Variants in SORCS1 observed in about 807,000 individuals in gnomAD.
SORCS1 encodes the protein sortilin related VPS10 domain containing receptor 1, also known as VPS10 domain-containing receptor SorCS1.
SORCS1 carries 60 observed loss-of-function variants against 146.1 expected under a neutral mutation model. The ratio of observed to expected loss-of-function variants is 0.41; its 90% confidence interval spans 0.33 to 0.51. The LOEUF (loss-of-function observed/expected upper bound fraction) is 0.51. Ranked by LOEUF, SORCS1 falls within the 20% of genes least tolerant of loss-of-function variation. The pLI is 0.21. For missense variants in SORCS1, 1,352 were observed against 1,487.6 expected, an observed-to-expected ratio of 0.91 and a Z score of 1.50; for synonymous variants, 637 against 584.0, an observed-to-expected ratio of 1.09 and a Z score of -1.31.
At chr10:106,902,598 A>G (rs1013001184) in intron 2 of SORCS1, among the ~76,000 whole-genome samples, 8 of 152,210 alleles carry the variant, frequency 5.3e-5, no homozygotes, top group Non-Finnish European at 1.2e-4. Context: ...ATAAAAGAAA[A>G]TCACATGAAG....
At chr10:106,739,963 A>G (rs957425176) in intron 5 of SORCS1, among the ~76,000 whole-genome samples, 2 of 151,890 alleles carry the variant, frequency 1.3e-5, no homozygotes, top group African/African-American at 4.8e-5. Context: ...AAAAAAAAAA[A>G]AAAAGAAAAT....
At chr10:107,076,784 T>C (rs1962921524) in intron 1 of SORCS1, among the ~76,000 whole-genome samples, 1 of 152,142 alleles carries the variant, frequency 6.6e-6, no homozygotes, top group Admixed American at 6.5e-5. Context: ...TTTACTTTTC[T>C]GAGGTTCTGA....
chr10:107,153,482 C>G (rs911406145), intron 1 of SORCS1, among the ~76,000 whole-genome samples: 4 of 152,150 alleles, frequency 2.6e-5, no homozygotes, highest in Admixed American at 2.0e-4. Context: ...ACTGGAATTT[C>G]TGGGATATAT....
At chr10:106,781,607 TA>T (rs765795755) in intron 3 of SORCS1, among the ~76,000 whole-genome samples, 12 of 152,200 alleles carry the variant, frequency 7.9e-5, no homozygotes, top group Non-Finnish European at 1.8e-4. Flanking sequence ...ATAAACAGAA[TA>T]AAAGTCTATT....
rs1157238577 is a variant in SORCS1, at chr10:107,164,626, C to T, written c.-100G>A. The stretch of plus-strand genomic sequence containing the variant: ...GGGGGGCCGGCGCTCAGGACCCCAA[C>T]TCCATCCAAGTTGCGCCGCGGTGGG... On this transcript the variant is annotated 5_prime_UTR_variant, in exon 1 of 26. Coordinates refer to ENST00000263054, the MANE Select transcript of SORCS1 (RefSeq NM_052918.5). This position sits in a 1 kb window ranked among gnomAD's most constrained non-coding sequence, Gnocchi z 6.8. The T allele has an allele frequency of 2.9e-6, 3 of 1,022,028 alleles. No individual in the cohort carries two copies. The East Asian group carries it at 9.9e-5, about 34-fold the overall frequency. The allele number at this position is 1,022,028 out of a possible 1,614,324, so 63.3% of individuals were successfully genotyped here.
At chr10:107,014,463 A>G (rs966849192) in intron 1 of SORCS1, among the ~76,000 whole-genome samples, 8 of 152,106 alleles carry the variant, frequency 5.3e-5, no homozygotes, top group Non-Finnish European at 1.0e-4. Flanking sequence ...AAAGTTTGCA[A>G]AGTTTTCTAT....
At chr10:106,737,273 CAAG>C (rs1240593725) in intron 5 of SORCS1, among the ~76,000 whole-genome samples, 7 of 152,138 alleles carry the variant, frequency 4.6e-5, no homozygotes, top group African/African-American at 1.4e-4. Context: ...CTAAACCAGC[CAAG>C]AAGAAGCTTT....
intron 1 of SORCS1, among the ~76,000 whole-genome samples, chr10:107,058,103 G>A (rs1960823444): frequency 6.6e-6 from 1 of 152,222 alleles, no homozygotes; most frequent in South Asian, 2.1e-4. Flanking sequence ...GTGCAGTGGT[G>A]CGATCTTGGC....
At chr10:106,821,347 T>TTATA (rs1244371328) in intron 3 of SORCS1, among the ~76,000 whole-genome samples, 2 of 152,218 alleles carry the variant, frequency 1.3e-5, no homozygotes, top group African/African-American at 4.8e-5. Flanking sequence ...TAGAAGAGAT[T>TTATA]TATAGGTGGA....
chr10:106,875,396 C>T (rs1034807455), intron 2 of SORCS1, among the ~76,000 whole-genome samples: 3 of 152,270 alleles, frequency 2.0e-5, no homozygotes, highest in Non-Finnish European at 2.9e-5. Flanking sequence ...CATGTCTTTG[C>T]AATTGTGAAT....
intron 3 of SORCS1, among the ~76,000 whole-genome samples, chr10:106,808,144 C>T (rs1947280037): frequency 2.0e-5 from 3 of 152,182 alleles, no homozygotes; most frequent in South Asian, 2.1e-4. Context: ...CTCGGCCTCC[C>T]GAGTAGCTGG....
intron 2 of SORCS1, among the ~76,000 whole-genome samples, chr10:106,905,581 A>G (rs1171518687): frequency 1.3e-5 from 2 of 152,178 alleles, no homozygotes; most frequent in Admixed American, 1.3e-4. Context: ...ACATACATAA[A>G]TTTCATTTCC....
chr10:106,688,876 G>A (rs780281416), intron 9 of SORCS1, among the ~76,000 whole-genome samples: 14 of 152,096 alleles, frequency 9.2e-5, no homozygotes, highest in Non-Finnish European at 1.5e-4. Context: ...ACAACTCTGC[G>A]GCTTCACAGC....
intron 1 of SORCS1, among the ~76,000 whole-genome samples, chr10:106,992,844 T>G (rs1214747386): frequency 7.1e-6 from 1 of 141,506 alleles, no homozygotes; most frequent in Non-Finnish European, 1.5e-5. Context: ...TTTTTTTTTT[T>G]TTTTTTGAGA....
intron 2 of SORCS1, among the ~76,000 whole-genome samples, chr10:106,941,818 C>T (rs966052357): frequency 2.6e-5 from 4 of 152,192 alleles, no homozygotes; most frequent in African/African-American, 7.2e-5. Flanking sequence ...AATATCTGAG[C>T]GACTCACTCT....
intron 1 of SORCS1, among the ~76,000 whole-genome samples, chr10:107,063,950 T>C (rs958144311): frequency 6.6e-6 from 1 of 152,168 alleles, no homozygotes; most frequent in African/African-American, 2.4e-5. Context: ...ACAGTAAAGA[T>C]ATCAGACTTA....
At chr10:106,660,154 C>T (rs546567346) in intron 17 of SORCS1, among the ~76,000 whole-genome samples, 2 of 152,312 alleles carry the variant, frequency 1.3e-5, no homozygotes, top group African/African-American at 2.4e-5. Flanking sequence ...AAAACAGAAT[C>T]ACCTGGAAAA....
chr10:106,946,229 T>C (rs1361080420), intron 2 of SORCS1, among the ~76,000 whole-genome samples: 1 of 152,240 alleles, frequency 6.6e-6, no homozygotes, highest in African/African-American at 2.4e-5. Flanking sequence ...AAAAAGCATT[T>C]AATGATACTT....
At chr10:106,713,710 G>T (rs972450948) in intron 6 of SORCS1, among the ~76,000 whole-genome samples, 1 of 152,134 alleles carries the variant, frequency 6.6e-6, no homozygotes, top group Non-Finnish European at 1.5e-5. Context: ...TGTAGAAACG[G>T]CAGTATGTGG....
Sources: allele counts gnomAD v4.1 joint callset (sites outside exome capture counted in the v4.1 genomes callset), GRCh38; gene constraint gnomAD v4.1.1; non-coding constraint Gnocchi (gnomAD v3.1); transcripts MANE v1.5; gene names NCBI Gene and HGNC (gene_info 2026-07-23, HGNC 2026-07-21).